TSHZ3: variants seen among roughly 807,000 people sequenced by gnomAD.
TSHZ3 encodes the protein teashirt homolog 3.
In TSHZ3, 10 loss-of-function variants were observed where a neutral mutation model predicts 64.5. The observed-to-expected ratio is 0.16, with a 90% CI of 0.10 to 0.26. The LOEUF is 0.26. Among genes scored for constraint, TSHZ3 ranks in the 10% least tolerant of loss-of-function variants. The probability of loss-of-function intolerance (pLI) is 1.00; values close to 1 mark genes in which losing one functional copy is unlikely to be tolerated. For synonymous variants in TSHZ3, 608 were observed against 593.1 expected, an observed-to-expected ratio of 1.03 and a Z score of -0.36; for missense variants, 1,242 against 1,421.7, an observed-to-expected ratio of 0.87 and a Z score of 2.03.
downstream of TSHZ3, among the ~76,000 whole-genome samples, chr19:31,274,132 T>C (rs1976185074): frequency 6.6e-6 from 1 of 151,918 alleles, no homozygotes; most frequent in East Asian, 1.9e-4. Context: ...TAATAAAATA[T>C]GTGTTTTTTT....
intron 4 of TSHZ3, among the ~76,000 whole-genome samples, chr19:31,222,770 C>G (rs554202621): frequency 2.6e-5 from 4 of 152,192 alleles, no homozygotes; most frequent in Admixed American, 1.3e-4. Flanking sequence ...AGTCCATTAG[C>G]TTTGCCCTGG....
At chr19:31,269,255 C>G (rs926227361) in intron 1 of TSHZ3, among the ~76,000 whole-genome samples, 3 of 152,104 alleles carry the variant, frequency 2.0e-5, no homozygotes, top group African/African-American at 7.2e-5. Flanking sequence ...CAAACTCCAC[C>G]AATATACAAA....
intron 5 of TSHZ3, among the ~76,000 whole-genome samples, chr19:31,163,252 T>A (rs1236875702): frequency 2.0e-5 from 3 of 152,122 alleles, no homozygotes; most frequent in Non-Finnish European, 4.4e-5. Context: ...GATGGATGGA[T>A]GGGGCCAGAT....
At chr19:31,320,249 C>G (rs186536096) in intron 1 of TSHZ3, among the ~76,000 whole-genome samples, 1 of 152,090 alleles carries the variant, frequency 6.6e-6, no homozygotes, top group Non-Finnish European at 1.5e-5. Flanking sequence ...GACATGAATG[C>G]GTGACCCCCA....
intron 1 of TSHZ3, among the ~76,000 whole-genome samples, chr19:31,266,763 T>C (rs1466680266): frequency 6.6e-6 from 1 of 152,228 alleles, no homozygotes; most frequent in Non-Finnish European, 1.5e-5. Flanking sequence ...ATATTTTGCT[T>C]TGGACGATTC....
At chr19:31,221,580 C>G (rs989392609) in intron 4 of TSHZ3, among the ~76,000 whole-genome samples, 1 of 152,152 alleles carries the variant, frequency 6.6e-6, no homozygotes, top group Non-Finnish European at 1.5e-5. Flanking sequence ...TGAATAGAAA[C>G]CACTGTCTCT....
Position 31,214,349 on chromosome 19 carries a change from C to T in TSHZ3, n.687-9271G>A, listed in dbSNP as rs73927306. ...CATAGCTGGGAAGCCAGAGGGCCTG[C>T]GCCAGCCAAGAGGAGCTAGCTTTGC... On this transcript the variant is annotated intron_variant and non_coding_transcript_variant, in intron 4 of 6. Coordinates refer to the TSHZ3 transcript ENST00000651361. 9.1e-3 allele frequency among the ~76,000 whole-genome samples: 1,380 copies of T among 152,314 alleles called. 21 individuals are homozygous for T. Among genetic ancestry groups the T allele is most frequent in the African/African-American group, 0.031 (1,276 of 41,558 alleles).
downstream of TSHZ3, among the ~76,000 whole-genome samples, chr19:31,272,184 G>A (rs765412342): frequency 1.3e-5 from 2 of 152,142 alleles, no homozygotes; most frequent in Non-Finnish European, 2.9e-5. Flanking sequence ...TGCCACTCAC[G>A]GGTTTCTGTC....
chr19:31,236,739 C>T (rs551798632), intron 3 of TSHZ3, among the ~76,000 whole-genome samples: 1 of 152,270 alleles, frequency 6.6e-6, no homozygotes, highest in South Asian at 2.1e-4. Context: ...TAGGGAAAAA[C>T]CTTCTTGTCA....
Position 31,279,497 on chromosome 19 carries a change from G to A in TSHZ3, c.296C>T (p.Thr99Ile), listed in dbSNP as rs994069439. 8 of 1,614,010 alleles carry A rather than the reference G, an allele frequency of 5.0e-6. No individual in the cohort carries two copies. Among genetic ancestry groups the A allele is most frequent in the Admixed American group, 1.7e-5 (1 of 60,012 alleles). Reference protein sequence around the residue: ...ESGSIKNEEETKEVTVPLEDT... With the variant: ...ESGSIKNEEEIKEVTVPLEDT... ...TTCCAGTGGGACCGTGACCTCCTTGGTCTCCTCTTCGTTCTTGATGGAGCC... is the reference window on the plus strand; with the variant it reads ...TTCCAGTGGGACCGTGACCTCCTTGATCTCCTCTTCGTTCTTGATGGAGCC... Residue 99 changes from threonine to isoleucine, a missense_variant, in exon 2 of 2, where the codon ACC (threonine) becomes ATC (isoleucine). By Grantham distance (89) the Thr-to-Ile change is moderately conservative (BLOSUM62 -1). This residue lies in a region of TSHZ3 where 555 missense variants were observed against 704.0 expected (regional missense o/e 0.79). Transcript: ENST00000240587. This position sits in a 1 kb window ranked among gnomAD's most constrained non-coding sequence, Gnocchi z 6.4.
chr19:31,286,065 T>C (rs770598966), intron 1 of TSHZ3, among the ~76,000 whole-genome samples: 18 of 152,102 alleles, frequency 1.2e-4, no homozygotes, highest in East Asian at 1.9e-4. Flanking sequence ...AGTCCCTCCA[T>C]TGAAAGAGTC....
chr19:31,162,450 T>A (rs530461555), intron 5 of TSHZ3, among the ~76,000 whole-genome samples: 1 of 152,240 alleles, frequency 6.6e-6, no homozygotes, highest in African/African-American at 2.4e-5. Flanking sequence ...CCCGCCCAAA[T>A]TTGTTTCAGA....
intron 1 of TSHZ3, among the ~76,000 whole-genome samples, chr19:31,328,376 G>A (rs772522152): frequency 2.0e-5 from 3 of 152,350 alleles, no homozygotes; most frequent in South Asian, 2.1e-4. Context: ...TGCGGGCCAC[G>A]TTGGCACCTC....
chr19:31,274,825 CT>C (rs1976198992), downstream of TSHZ3: 1 of 152,318 alleles, frequency 6.6e-6, no homozygotes, highest in Non-Finnish European at 1.5e-5. Context: ...CAGCTTCCGA[CT>C]GCCAGCACCT....
intron 5 of TSHZ3, among the ~76,000 whole-genome samples, chr19:31,194,277 C>A (rs1974953896): frequency 6.6e-6 from 1 of 152,208 alleles, no homozygotes; most frequent in Non-Finnish European, 1.5e-5. Flanking sequence ...ACACTGAATA[C>A]TGGAGAAAAA....
chr19:31,345,138 T>C (rs1259671911), intron 1 of TSHZ3, among the ~76,000 whole-genome samples: 1 of 152,208 alleles, frequency 6.6e-6, no homozygotes, highest in African/African-American at 2.4e-5. Flanking sequence ...CTCCTTCGTC[T>C]TCTTGGCTTT....
chr19:31,327,679 T>C (rs1916972046), intron 1 of TSHZ3, among the ~76,000 whole-genome samples: 1 of 152,184 alleles, frequency 6.6e-6, no homozygotes, highest in African/African-American at 2.4e-5. Context: ...AAATATACAG[T>C]GTATATGTAA....
intron 1 of TSHZ3, among the ~76,000 whole-genome samples, chr19:31,338,536 T>C (rs1917321471): frequency 6.6e-6 from 1 of 152,094 alleles, no homozygotes; most frequent in African/African-American, 2.4e-5. Flanking sequence ...ATAGTTATAT[T>C]GTGCTAAGCT....
At chr19:31,323,455 C>A (rs73551386) in intron 1 of TSHZ3, among the ~76,000 whole-genome samples, 5,892 of 152,246 alleles carry the variant, frequency 0.039, 409 homozygotes, top group African/African-American at 0.13. Flanking sequence ...ATGAGTTTTG[C>A]CATTTAAGTA....
Sources: allele counts gnomAD v4.1 joint callset (sites outside exome capture counted in the v4.1 genomes callset), GRCh38; gene constraint gnomAD v4.1.1; regional missense constraint gnomAD v4.1.1; non-coding constraint Gnocchi (gnomAD v3.1); transcripts MANE v1.5; gene names NCBI Gene and HGNC (gene_info 2026-07-23, HGNC 2026-07-21).